CLASP2: variants seen among roughly 807,000 people sequenced by gnomAD.
The protein encoded by CLASP2 is CLIP-associating protein 2.
A neutral mutation model predicts 194.4 loss-of-function variants in CLASP2; 47 were observed. The ratio of observed to expected loss-of-function variants is 0.24; its 90% CI spans 0.19 to 0.31. The LOEUF is 0.31. Ranked by LOEUF, CLASP2 falls within the 10% of genes least tolerant of loss-of-function variation. The pLI, the probability that CLASP2 is intolerant of heterozygous loss-of-function variation, is 1.00. For synonymous variants in CLASP2, 619 were observed against 633.5 expected, an observed-to-expected ratio of 0.98 and a Z score of 0.34; for missense variants, 1,445 against 1,823.6, an observed-to-expected ratio of 0.79 and a Z score of 3.78.
At chr3:33,602,071 T>C (rs934253393) in intron 18 of CLASP2, among the ~76,000 whole-genome samples, 1 of 150,764 alleles carries the variant, frequency 6.6e-6, no homozygotes, top group South Asian at 2.1e-4. Context: ...TGCAGTGCAA[T>C]GGCACGATTT....
At chr3:33,617,754 GA>G (rs1172819358) in intron 12 of CLASP2, among the ~76,000 whole-genome samples, 2 of 151,138 alleles carry the variant, frequency 1.3e-5, no homozygotes, top group Admixed American at 1.3e-4. Context: ...ATTATAGAAG[GA>G]AAAAAATAGC....
chr3:33,630,298 C>T (rs756781458), intron 9 of CLASP2, among the ~76,000 whole-genome samples: 2 of 152,088 alleles, frequency 1.3e-5, no homozygotes, highest in Non-Finnish European at 2.9e-5. Flanking sequence ...AACTGAAGTA[C>T]AGAGGGTTAA....
intron 30 of CLASP2, among the ~76,000 whole-genome samples, chr3:33,547,500 C>T (rs1431113690): frequency 6.6e-6 from 1 of 152,178 alleles, no homozygotes; most frequent in Admixed American, 6.5e-5. Flanking sequence ...ATGGTATATA[C>T]TTCTTTTACA....
chr3:33,703,888 A>G (rs934183504), intron 1 of CLASP2, among the ~76,000 whole-genome samples: 2 of 152,240 alleles, frequency 1.3e-5, no homozygotes, highest in African/African-American at 4.8e-5. Context: ...CATTCAGACA[A>G]TGGAATAGTA....
chr3:33,517,852 C>T lies in CLASP2; in HGVS notation c.3788-678G>A, dbSNP rs115941952. On this transcript the variant is annotated intron_variant, in intron 34 of 38. Transcript: ENST00000682230. ...TAATTTTTGTGGAGACGGGGTTTCG[C>T]CATGTTGTCCAGGCCAGTCTGGAAC... is the stretch of plus-strand genomic sequence containing the variant. Among the ~76,000 whole-genome samples the T allele has an allele frequency of 6.1e-3, 922 of 152,200 alleles. 13 individuals are homozygous for T. Among genetic ancestry groups the T allele is most frequent in the African/African-American group, 0.021 (865 of 41,522 alleles).
At chr3:33,592,741 ATATT>A in intron 20 of CLASP2, 1 of 516,588 alleles carries the variant, frequency 1.9e-6, no homozygotes, top group Non-Finnish European at 3.5e-6. Context: ...CTTAGTTTAT[ATATT>A]AGTCCAGCAG....
At chr3:33,667,406 C>CAGAAAAAA (rs2086378241) in intron 6 of CLASP2, among the ~76,000 whole-genome samples, 1 of 44,148 alleles carries the variant, frequency 2.3e-5, no homozygotes, top group African/African-American at 1.1e-4. Context: ...GAGACTATCT[C>CAGAAAAAA]AAAAAAAAAA....
chr3:33,517,057 T>C lies in CLASP2; in HGVS notation c.3905A>G (p.Glu1302Gly). The change falls in exon 35 of 39, where the codon GAA becomes GGA. Residue 1302 changes from glutamate (E) to glycine (G), a missense_variant. Transcript: ENST00000682230. ...TTCATCCCAAACACTAAAAGATTCT[T>C]CCTGTGTCAGTTTCATAAGTTCATA... ...ALYELMKLTQ[E>G]ESFSVWDEHF... is the part of the protein sequence containing the mutation. The C allele has an allele frequency of 6.2e-7, 1 of 1,613,770 alleles. No homozygotes were observed. Among genetic ancestry groups the C allele is most frequent in the Non-Finnish European group, 8.5e-7 (1 of 1,179,784 alleles).
intron 22 of CLASP2, among the ~76,000 whole-genome samples, chr3:33,583,572 A>G (rs932060236): frequency 4.6e-5 from 7 of 152,246 alleles, no homozygotes; most frequent in African/African-American, 1.4e-4. Flanking sequence ...CAAGTACATA[A>G]GACTTGCTTG....
chr3:33,601,028 G>A (rs376316600), intron 18 of CLASP2, among the ~76,000 whole-genome samples: 2 of 142,706 alleles, frequency 1.4e-5, no homozygotes, highest in African/African-American at 5.3e-5. Flanking sequence ...GCAAGATCTC[G>A]GCTCACTGCA....
chr3:33,574,989 G>C (rs2064538270), intron 24 of CLASP2, among the ~76,000 whole-genome samples: 1 of 152,038 alleles, frequency 6.6e-6, no homozygotes, highest in Non-Finnish European at 1.5e-5. Flanking sequence ...CTAAGTAATA[G>C]TTCAAGAAAA....
intron 6 of CLASP2, among the ~76,000 whole-genome samples, chr3:33,666,500 A>C (rs1279790696): frequency 6.6e-6 from 1 of 152,166 alleles, no homozygotes; most frequent in African/African-American, 2.4e-5. Context: ...GGCTTCTTTC[A>C]TGAATGTTTT....
chr3:33,603,274 A>C (rs2072795907), intron 17 of CLASP2, 149 bp from the exon 18 acceptor site: 1 of 747,602 alleles, frequency 1.3e-6, no homozygotes, highest in Non-Finnish European at 2.1e-6. Context: ...AGCATTTTAA[A>C]GTCAGAATGC....
intron 13 of CLASP2, among the ~76,000 whole-genome samples, chr3:33,610,606 T>C (rs1393995856): frequency 6.6e-6 from 1 of 152,208 alleles, no homozygotes; most frequent in Admixed American, 6.5e-5. Flanking sequence ...TTAAAACTGT[T>C]CTGTAAAGGG....
intron 23 of CLASP2, chr3:33,577,215 C>G (rs748409182): frequency 6.3e-7 from 1 of 1,597,394 alleles, no homozygotes; most frequent in South Asian, 1.1e-5. Flanking sequence ...AGGCCCCATA[C>G]ACTTCGGGGG....
intron 27 of CLASP2, among the ~76,000 whole-genome samples, chr3:33,563,140 A>G (rs1251045343): frequency 6.6e-6 from 1 of 152,202 alleles, no homozygotes; most frequent in Non-Finnish European, 1.5e-5. Context: ...TTGCTTACAG[A>G]TGCAGAAGTC....
intron 7 of CLASP2, among the ~76,000 whole-genome samples, chr3:33,655,842 T>TA (rs1332090147): frequency 6.6e-6 from 1 of 152,190 alleles, no homozygotes; most frequent in East Asian, 1.9e-4. Flanking sequence ...TTTATATATA[T>TA]TTTTAAAGAC....
At chr3:33,623,538 G>A (rs949771157) in intron 10 of CLASP2, among the ~76,000 whole-genome samples, 1 of 150,738 alleles carries the variant, frequency 6.6e-6, no homozygotes, top group Non-Finnish European at 1.5e-5. Context: ...TTTTCTTCCT[G>A]TGACTGGCTT....
intron 7 of CLASP2, among the ~76,000 whole-genome samples, chr3:33,651,017 A>G (rs149520067): frequency 1.3e-5 from 2 of 152,312 alleles, no homozygotes; most frequent in African/African-American, 4.8e-5. Context: ...CTCAGTTTAT[A>G]ACAAAACATG....
Sources: gnomAD v4.1 joint callset for allele counts (sites outside exome capture counted in the v4.1 genomes callset) on GRCh38, gnomAD v4.1.1 for gene constraint, MANE v1.5 for transcripts, NCBI Gene and HGNC (gene_info 2026-07-23, HGNC 2026-07-21) for gene names.